The following ZBTB20 variants were observed in gnomAD, a reference collection of about 807,000 sequenced individuals.
ZBTB20 encodes the protein zinc finger and BTB domain containing 20, also known as zinc finger and BTB domain-containing protein 20.
In ZBTB20, 9 loss-of-function variants were observed where a neutral mutation model predicts 56.9. The ratio of observed to expected loss-of-function variants is 0.16; its 90% confidence interval spans 0.10 to 0.28. The LOEUF is 0.28. ZBTB20 is among the 10% of genes least tolerant of loss of function. ZBTB20 has a pLI of 1.00. For missense variants in ZBTB20, 655 were observed against 1,003.0 expected (o/e 0.65, Z 4.69); for synonymous variants, 417 against 420.7 (o/e 0.99, Z 0.11).
chr3:114,442,299 A>T (rs778653857), intron 7 of ZBTB20, among the ~76,000 whole-genome samples: 12 of 152,192 alleles, frequency 7.9e-5, no homozygotes, highest in Non-Finnish European at 1.6e-4. Context: ...GTATAAATGA[A>T]TAGAGAGTGA....
In ZBTB20 at chr3:114,322,538, T is replaced by G. The variant is rs2078931117; in HGVS notation, c.*16467A>C. ...GGATATGCAAATTTCAAGGAAGAAG[T>G]TTTCCAAAGCCTCAAGAGAAGTATC... On this transcript the variant is annotated 3_prime_UTR_variant, in exon 12 of 12. Transcript: ENST00000675478. 2 of 152,188 alleles carry G rather than the reference T, an allele frequency of 1.3e-5. No homozygotes were observed. Among genetic ancestry groups the G allele is most frequent in the Admixed American group, 1.3e-4 (2 of 15,280 alleles). 9.4% of individuals were successfully genotyped at this position (152,188 alleles called of 1,614,324 possible). A position where few individuals can be genotyped will look rare whatever the true frequency, so the allele number is the denominator to read the frequency against.
chr3:114,976,874 TAGAA>T, intron 2 of ZBTB20, among the ~76,000 whole-genome samples: 2 of 152,100 alleles, frequency 1.3e-5, no homozygotes, highest in Admixed American at 6.6e-5. Flanking sequence ...AGAACAAAAA[TAGAA>T]AGACACAATT....
chr3:114,467,176 T>C (rs2092589413), intron 7 of ZBTB20, among the ~76,000 whole-genome samples: 2 of 152,172 alleles, frequency 1.3e-5, no homozygotes, highest in Non-Finnish European at 2.9e-5. Context: ...GGGTGAAACA[T>C]GTGGAAATGT....
intron 3 of ZBTB20, among the ~76,000 whole-genome samples, chr3:114,911,441 A>G (rs1272913888): frequency 6.6e-6 from 1 of 152,072 alleles, no homozygotes; most frequent in African/African-American, 2.4e-5. Context: ...TCCTGCCAGC[A>G]CAGGGAAAAA....
chr3:114,353,046 G>T (rs2080844860), intron 10 of ZBTB20, among the ~76,000 whole-genome samples: 3 of 152,220 alleles, frequency 2.0e-5, no homozygotes, highest in Admixed American at 1.3e-4. Context: ...GGTGGCTACA[G>T]CAGTAGATCT....
At chr3:115,015,829 A>T (rs2079930606) in intron 2 of ZBTB20, among the ~76,000 whole-genome samples, 2 of 151,956 alleles carry the variant, frequency 1.3e-5, no homozygotes, top group South Asian at 4.1e-4. Flanking sequence ...CTTTGGGTAT[A>T]TACCCAGTAA....
chr3:115,068,880 G>GAAGAA (rs1553889144), intron 2 of ZBTB20, among the ~76,000 whole-genome samples: 17 of 142,614 alleles, frequency 1.2e-4, no homozygotes, highest in African/African-American at 3.6e-4. Context: ...TTGCTTGTTT[G>GAAGAA]AAAAAAAAAA....
At chr3:114,402,193 G>C (rs1048751801) in intron 7 of ZBTB20, among the ~76,000 whole-genome samples, 1 of 152,106 alleles carries the variant, frequency 6.6e-6, no homozygotes, top group Non-Finnish European at 1.5e-5. Context: ...CCCACTTTGA[G>C]GACCAGCACC....
chr3:114,737,580 C>T (rs892378819), intron 5 of ZBTB20, among the ~76,000 whole-genome samples: 2 of 152,072 alleles, frequency 1.3e-5, no homozygotes, highest in African/African-American at 2.4e-5. Flanking sequence ...GAATTTTCTT[C>T]AGAATCTACA....
At chr3:114,668,655 A>G (rs1322310181) in intron 6 of ZBTB20, among the ~76,000 whole-genome samples, 2 of 152,086 alleles carry the variant, frequency 1.3e-5, no homozygotes, top group East Asian at 3.9e-4. Context: ...CTATTAAACT[A>G]TTTGAGGCAG....
intron 6 of ZBTB20, among the ~76,000 whole-genome samples, chr3:114,557,096 C>T (rs144538567): frequency 6.6e-6 from 1 of 151,976 alleles, no homozygotes; most frequent in Non-Finnish European, 1.5e-5. Flanking sequence ...AAGATGTAGA[C>T]AAATTAGGGA....
In ZBTB20 at chr3:114,975,803, A is replaced by T. The variant is rs539141655; in HGVS notation, c.-506-1387T>A. Among the ~76,000 whole-genome samples the T allele has an allele frequency of 2.6e-5, 4 of 152,326 alleles. No homozygotes were observed. The South Asian group carries it at 6.2e-4, about 24-fold the overall frequency. ...AAAATTAATTTGGTAACTACATGAT[A>T]TATTACAAAAGTTACTTTTATTAAT... On this transcript the variant is annotated intron_variant, in intron 2 of 11. Coordinates refer to ENST00000675478, the MANE Select transcript of ZBTB20 (RefSeq NM_001348800.3).
chr3:114,413,960 CT>C (rs1457779368), intron 7 of ZBTB20, among the ~76,000 whole-genome samples: 1 of 152,100 alleles, frequency 6.6e-6, no homozygotes, highest in Non-Finnish European at 1.5e-5. Context: ...CTAATTTAAC[CT>C]GTTAAAGCGA....
intron 3 of ZBTB20, among the ~76,000 whole-genome samples, chr3:114,970,735 G>C (rs2077840740): frequency 6.6e-6 from 1 of 152,184 alleles, no homozygotes; most frequent in Non-Finnish European, 1.5e-5. Flanking sequence ...AAATAATGCA[G>C]CCGGGGGCGG....
intron 10 of ZBTB20, among the ~76,000 whole-genome samples, chr3:114,353,683 T>C (rs2080919617): frequency 6.6e-6 from 1 of 152,190 alleles, no homozygotes; most frequent in Non-Finnish European, 1.5e-5. Context: ...GCAGACCAAA[T>C]TTCAAGTTCT....
chr3:114,764,172 T>G (rs965671035), intron 5 of ZBTB20, among the ~76,000 whole-genome samples: 1 of 152,092 alleles, frequency 6.6e-6, no homozygotes, highest in Non-Finnish European at 1.5e-5. Flanking sequence ...CCAGAATTTT[T>G]AAGCAGCTTT....
rs186934243 is a variant in ZBTB20 at position 115,064,595 on chromosome 3, G to T, written c.-507+6624C>A. On this transcript the variant is annotated intron_variant, in intron 2 of 11. Transcript: ENST00000675478. ...GCCTCCCAAGTAGCTAGGATTACAG[G>T]CATGTGCCAACACACCCAGCTAGTT... 4.7e-3 allele frequency among the ~76,000 whole-genome samples: 709 copies of T among 151,914 alleles called. 3 individuals are homozygous for T. Among genetic ancestry groups the T allele is most frequent in the Middle Eastern group, 0.014 (4 of 294 alleles).
chr3:114,795,422 A>G (rs1374939149), intron 5 of ZBTB20, among the ~76,000 whole-genome samples: 1 of 152,028 alleles, frequency 6.6e-6, no homozygotes, highest in Non-Finnish European at 1.5e-5. Flanking sequence ...TGCTTTGCTC[A>G]CTTTGCTCTG....
intron 1 of ZBTB20, among the ~76,000 whole-genome samples, chr3:115,118,540 C>G (rs2084086633): frequency 6.6e-6 from 1 of 151,788 alleles, no homozygotes; most frequent in African/African-American, 2.4e-5. Context: ...GCCTGCTCCC[C>G]TATTTTAAAA....
Sources: gnomAD v4.1 joint callset for allele counts (sites outside exome capture counted in the v4.1 genomes callset) on GRCh38, gnomAD v4.1.1 for gene constraint, MANE v1.5 for transcripts, NCBI Gene and HGNC (gene_info 2026-07-23, HGNC 2026-07-21) for gene names.